Variants in PLAGL1 observed in about 807,000 individuals in gnomAD.
PLAGL1 encodes the protein zinc finger protein PLAGL1.
In PLAGL1, 1 loss-of-function variant was observed where a neutral mutation model predicts 4.6. The ratio of observed to expected loss-of-function variants is 0.22; its 90% CI spans 0.08 to 1.03. PLAGL1 has a LOEUF of 1.03. Ranked by LOEUF, PLAGL1 falls within the 50% of genes least tolerant of loss-of-function variation. The pLI is 0.58. For missense variants in PLAGL1, 464 were observed against 570.4 expected (o/e 0.81, Z 1.90); for synonymous variants, 240 against 237.8 (o/e 1.01, Z -0.08).
In PLAGL1 at chr6:144,053,416, G is replaced by A. The variant is rs192449026; in HGVS notation, c.-151+11052C>T. Among the ~76,000 whole-genome samples, 18 of 152,314 alleles carry A rather than the reference G, an allele frequency of 1.2e-4. No homozygotes were observed. Among genetic ancestry groups the A allele is most frequent in the African/African-American group, 4.1e-4 (17 of 41,562 alleles). On this transcript the variant is annotated intron_variant, in intron 1 of 3. Transcript: ENST00000437412. The surrounding 1 kb of genome is among the most constrained non-coding windows in gnomAD (Gnocchi z 4.0). ...CCCAAATTGCTGGTGTTACAGGCGT[G>A]AGCCACCACACCCGGCCTAATTAGT... is the stretch of plus-strand genomic sequence containing the variant.
rs900160819 is a variant in PLAGL1 at position 143,973,824 on chromosome 6, T to C, written c.-543-4846A>G. ...CTAGGGTTACCTTAGTAAGGGGTGA[T>C]CTCCAGAGCTGCAGTTTCTAGGGTT... On this transcript the variant is annotated intron_variant, in intron 2 of 7. Coordinates refer to ENST00000674357, the MANE Select transcript of PLAGL1 (RefSeq NM_001317162.2). The surrounding 1 kb of genome is among the most constrained non-coding windows in gnomAD (Gnocchi z 6.2). Among the ~76,000 whole-genome samples, 13 of 152,138 alleles carry C rather than the reference T, an allele frequency of 8.5e-5. No homozygotes were observed. Among genetic ancestry groups the C allele is most frequent in the African/African-American group, 2.9e-4 (12 of 41,434 alleles).
chr6:144,030,254 C>CAAAAAAAAAAAAAAAAA (rs66563676), intron 1 of PLAGL1, among the ~76,000 whole-genome samples: 1 of 44,556 alleles, frequency 2.2e-5, no homozygotes, highest in Non-Finnish European at 3.9e-5. Context: ...GACTCCGTCT[C>CAAAAAAAAAAAAAAAAA]AAAAAAAAAA....
chr6:143,980,571 C>T (rs971142870), intron 2 of PLAGL1, among the ~76,000 whole-genome samples: 1 of 152,046 alleles, frequency 6.6e-6, no homozygotes, highest in African/African-American at 2.4e-5. Flanking sequence ...TTATGCTTTC[C>T]ACTACCATCT....
intron 1 of PLAGL1, among the ~76,000 whole-genome samples, chr6:144,057,377 T>G (rs1799050678): frequency 6.6e-6 from 1 of 152,240 alleles, no homozygotes; most frequent in Non-Finnish European, 1.5e-5. Flanking sequence ...TGCTCTGTAT[T>G]GAATAATATA....
Position 143,973,800 on chromosome 6 carries a change from T to C in PLAGL1, c.-543-4822A>G, listed in dbSNP as rs1238946076. 2.0e-5 allele frequency among the ~76,000 whole-genome samples: 3 copies of C among 152,228 alleles called. No homozygotes were observed. The highest frequency in any genetic ancestry group is 6.5e-5 in the Admixed American group (1 of 15,284). ...GTGATGAATTCAGAGCTGCAGTTTC[T>C]AGGGTTACCTTAGTAAGGGGTGATC... On this transcript the variant is annotated intron_variant, in intron 2 of 7. Transcript: ENST00000674357. The surrounding 1 kb of genome is among the most constrained non-coding windows in gnomAD (Gnocchi z 6.2).
Position 144,064,030 on chromosome 6 carries a change from T to C in PLAGL1, c.-151+438A>G, listed in dbSNP as rs528624291. Among the ~76,000 whole-genome samples the C allele has an allele frequency of 7.2e-5, 11 of 152,226 alleles. No individual in the cohort carries two copies. The highest frequency in any genetic ancestry group is 2.0e-4 in the Admixed American group (3 of 15,296). On this transcript the variant is annotated intron_variant, in intron 1 of 3. Transcript: ENST00000437412. The surrounding 1 kb of genome is among the most constrained non-coding windows in gnomAD (Gnocchi z 6.8). Reference sequence around the variant, plus strand: ...TGGTTCAGCAATGATCACCCCGCCGTCTGCGCAGACAGCCCCGCCCCCAGC... The same window carrying C: ...TGGTTCAGCAATGATCACCCCGCCGCCTGCGCAGACAGCCCCGCCCCCAGC...
At position 143,952,706 on chromosome 6, in the gene PLAGL1, A is replaced by G. The variant is rs1474270735; in HGVS notation, c.-324-4246T>C. On this transcript the variant is annotated intron_variant, in intron 6 of 7. Coordinates refer to ENST00000674357, the MANE Select transcript of PLAGL1 (RefSeq NM_001317162.2). The surrounding 1 kb of genome is among the most constrained non-coding windows in gnomAD (Gnocchi z 6.1). Reference sequence around the variant, plus strand: ...CCAGTGCTACATAACACATCATCTAATGGGGCACAACTGCTTTACAACATT... The same window carrying G: ...CCAGTGCTACATAACACATCATCTAGTGGGGCACAACTGCTTTACAACATT... Among the ~76,000 whole-genome samples, 3 of 152,156 alleles carry G rather than the reference A, an allele frequency of 2.0e-5. No homozygotes were observed. The highest frequency in any genetic ancestry group is 1.9e-4 in the East Asian group (1 of 5,182).
In PLAGL1 at chr6:143,948,384, G is replaced by A; in HGVS notation, c.-248C>T. ...CTCAAGCTGAGGGGAGAAAGTCTGA[G>A]GCACAGGTGCGATTCAGGAGCAGAA... On this transcript the variant is annotated 5_prime_UTR_variant, in exon 7 of 8. Transcript: ENST00000674357. This position sits in a 1 kb window ranked among gnomAD's most constrained non-coding sequence, Gnocchi z 6.0. 2.2e-6 allele frequency: 1 copy of A among 453,982 alleles called. No individual in the cohort carries two copies. Among genetic ancestry groups the A allele is most frequent in the East Asian group, 3.6e-5 (1 of 27,526 alleles). The allele number at this position is 453,982 out of a possible 1,614,324, so 28.1% of individuals were successfully genotyped here. A position where few individuals can be genotyped will look rare whatever the true frequency, so the allele number is the denominator to read the frequency against.
chr6:144,034,108 T>C lies in PLAGL1; in HGVS notation c.-151+30360A>G, dbSNP rs1313565227. ...AATTTTCCTGGAGTCTTTTATACTG[T>C]TAATTACATCTCCATGCAGGGCTGA... On this transcript the variant is annotated intron_variant, in intron 1 of 3. Coordinates refer to the PLAGL1 transcript ENST00000437412. This position sits in a 1 kb window ranked among gnomAD's most constrained non-coding sequence, Gnocchi z 4.7. Among the ~76,000 whole-genome samples, 2 of 152,238 alleles carry C rather than the reference T, an allele frequency of 1.3e-5. No homozygotes were observed. Among genetic ancestry groups the C allele is most frequent in the African/African-American group, 2.4e-5 (1 of 41,458 alleles).
At chr6:143,977,089 C>CG (rs907136237) in intron 2 of PLAGL1, among the ~76,000 whole-genome samples, 12 of 147,898 alleles carry the variant, frequency 8.1e-5, no homozygotes, top group East Asian at 2.1e-4. Context: ...CCCTTCCCCC[C>CG]CCCCAACACA....
intron 1 of PLAGL1, among the ~76,000 whole-genome samples, chr6:144,045,745 G>A (rs994994770): frequency 6.6e-6 from 1 of 152,170 alleles, no homozygotes; most frequent in East Asian, 1.9e-4. Flanking sequence ...GCCTTGCTAG[G>A]TTGGGGAAGT....
At chr6:144,014,682 T>C (rs9766199) in intron 1 of PLAGL1, among the ~76,000 whole-genome samples, 36,627 of 151,782 alleles carry the variant, frequency 0.24, 4,616 homozygotes, top group Admixed American at 0.35. Flanking sequence ...CAGTTTCAAG[T>C]GATTCTACTG....
chr6:143,955,495 C>A lies in PLAGL1; in HGVS notation c.-325+4974G>T, dbSNP rs56748750. ...TTATGTGGAGATGCAGTGAGGAGGG[C>A]GGGAAGAGAAGAGGTAGAAATAGGT... On this transcript the variant is annotated intron_variant, in intron 6 of 7. Coordinates refer to ENST00000674357, the MANE Select transcript of PLAGL1 (RefSeq NM_001317162.2). The surrounding 1 kb of genome is among the most constrained non-coding windows in gnomAD (Gnocchi z 4.9). 0.018 allele frequency among the ~76,000 whole-genome samples: 2,713 copies of A among 151,892 alleles called. 98 individuals carry two copies. The highest frequency in any genetic ancestry group is 0.063 in the African/African-American group (2,610 of 41,364).
chr6:144,045,585 G>A (rs1247730309), intron 1 of PLAGL1, among the ~76,000 whole-genome samples: 2 of 152,256 alleles, frequency 1.3e-5, no homozygotes, highest in African/African-American at 4.8e-5. Flanking sequence ...TTCCCTTTGT[G>A]GGTAACCCGA....
rs1788524800 is a variant in PLAGL1, at chr6:143,984,099, T to G, written c.-544+1036A>C. Among the ~76,000 whole-genome samples the G allele has an allele frequency of 6.6e-6, 1 of 152,232 alleles. No individual in the cohort carries two copies. Among genetic ancestry groups the G allele is most frequent in the Non-Finnish European group, 1.5e-5 (1 of 68,036 alleles). On this transcript the variant is annotated intron_variant, in intron 2 of 7. Coordinates refer to ENST00000674357, the MANE Select transcript of PLAGL1 (RefSeq NM_001317162.2). The surrounding 1 kb of genome is among the most constrained non-coding windows in gnomAD (Gnocchi z 5.5). ...TGTTGTCTTATAACTATATTTATAA[T>G]AATGATTTAGGCCTAACTCCAAGTC...
intron 1 of PLAGL1, among the ~76,000 whole-genome samples, chr6:144,046,673 C>T (rs1798177448): frequency 6.6e-6 from 1 of 152,246 alleles, no homozygotes; most frequent in Admixed American, 6.5e-5. Context: ...GGCAGTGTGT[C>T]TGTTCTCAAA....
intron 1 of PLAGL1, among the ~76,000 whole-genome samples, chr6:143,992,423 T>A (rs1790677214): frequency 6.6e-6 from 1 of 152,196 alleles, no homozygotes; most frequent in South Asian, 2.1e-4. Flanking sequence ...CCACTGAGGT[T>A]TGGGGATGGC....
At chr6:144,023,194 C>T (rs1289686910) in intron 1 of PLAGL1, among the ~76,000 whole-genome samples, 8 of 152,082 alleles carry the variant, frequency 5.3e-5, no homozygotes, top group Non-Finnish European at 1.5e-5. Flanking sequence ...ACACTATAAA[C>T]ATGAAAAACA....
At chr6:144,054,173 A>G (rs1234468051) in intron 1 of PLAGL1, among the ~76,000 whole-genome samples, 1 of 152,258 alleles carries the variant, frequency 6.6e-6, no homozygotes, top group East Asian at 1.9e-4. Context: ...AAAAGTATAT[A>G]AAGTAAAAAC....
Sources: allele counts gnomAD v4.1 joint callset (sites outside exome capture counted in the v4.1 genomes callset), GRCh38; gene constraint gnomAD v4.1.1; non-coding constraint Gnocchi (gnomAD v3.1); transcripts MANE v1.5; gene names NCBI Gene and HGNC (gene_info 2026-07-23, HGNC 2026-07-21).